DLGAP1: variants seen among roughly 807,000 people sequenced by gnomAD.
The protein encoded by DLGAP1 is DLG associated protein 1, also known as disks large-associated protein 1.
A neutral mutation model predicts 90.8 loss-of-function variants in DLGAP1; 11 were observed. The ratio of observed to expected loss-of-function variants is 0.12; its 90% confidence interval spans 0.08 to 0.20. The LOEUF (loss-of-function observed/expected upper bound fraction) is 0.20. Among genes scored for constraint, DLGAP1 ranks in the 10% least tolerant of loss-of-function variants. The pLI, the probability that DLGAP1 is intolerant of heterozygous loss-of-function variation, is 1.00. For synonymous variants in DLGAP1, 558 were observed against 540.7 expected (o/e 1.03, Z -0.44); for missense variants, 1,050 against 1,333.8 (o/e 0.79, Z 3.31).
intron 1 of DLGAP1, among the ~76,000 whole-genome samples, chr18:4,163,265 A>G (rs372370569): frequency 1.3e-5 from 2 of 152,322 alleles, no homozygotes; most frequent in East Asian, 3.9e-4. Flanking sequence ...CTTATTCACT[A>G]CTTTGGAAGG....
chr18:3,806,406 T>A (rs2066563692), intron 5 of DLGAP1, among the ~76,000 whole-genome samples: 1 of 152,234 alleles, frequency 6.6e-6, no homozygotes, highest in Non-Finnish European at 1.5e-5. Flanking sequence ...TGTGTGTATG[T>A]GTCTGTGTGT....
chr18:4,266,459 G>A (rs2079133515), intron 1 of DLGAP1, among the ~76,000 whole-genome samples: 1 of 152,196 alleles, frequency 6.6e-6, no homozygotes, highest in Non-Finnish European at 1.5e-5. Context: ...TGAAGGCCTC[G>A]CTAGATCAAC....
rs10549959 is a variant in DLGAP1 at position 3,661,571 on chromosome 18, CT to C, written c.1591+67563del. Among the ~76,000 whole-genome samples the C allele has an allele frequency of 2.0e-3, 252 of 125,280 alleles. 1 individual carries two copies. In the East Asian group the frequency reaches 0.023, roughly 12 times the overall value. 82.2% of individuals were successfully genotyped at this position (125,280 alleles called of 152,430 possible). The stretch of plus-strand genomic sequence containing the variant: ...AGGCAGAGGGAAGAAGCTGTAAGGT[CT>C]TTTTTTTTTTTTTTTTTTTTTTGAG... On this transcript the variant is annotated intron_variant, in intron 7 of 12. Coordinates refer to ENST00000315677, the MANE Select transcript of DLGAP1 (RefSeq NM_004746.4).
intron 7 of DLGAP1, chr18:3,594,496 T>G (rs1034234820): frequency 6.6e-6 from 1 of 152,180 alleles, no homozygotes; most frequent in East Asian, 1.9e-4. Context: ...TAAGTCGCTC[T>G]TTGGAAGGGG....
chr18:4,358,389 A>G lies in DLGAP1; in HGVS notation c.-267+96617T>C, dbSNP rs143306953. Among the ~76,000 whole-genome samples, 813 of 152,320 alleles carry G rather than the reference A, an allele frequency of 5.3e-3. 14 individuals carry two copies. Among genetic ancestry groups the G allele is most frequent in the Non-Finnish European group, 5.3e-3 (363 of 68,028 alleles). ...GTCCTGAGGGCAGAATGGTCCTTAA[A>G]GAAGGAAAAGAAAGTTAAAAGGCCT... On this transcript the variant is annotated intron_variant, in intron 1 of 12. Coordinates refer to ENST00000315677, the MANE Select transcript of DLGAP1 (RefSeq NM_004746.4).
chr18:3,627,838 T>TCTTC (rs1371536952), intron 7 of DLGAP1, among the ~76,000 whole-genome samples: 2 of 151,438 alleles, frequency 1.3e-5, no homozygotes, highest in Non-Finnish European at 2.9e-5. Context: ...TTTCTTTCTT[T>TCTTC]CTTCCTTCCT....
rs116114384 is a variant in DLGAP1, at chr18:3,838,313, G to A, written c.958-24040C>T. 4.1e-3 allele frequency among the ~76,000 whole-genome samples: 626 copies of A among 152,278 alleles called. 3 individuals carry two copies. Among genetic ancestry groups the A allele is most frequent in the African/African-American group, 0.014 (597 of 41,536 alleles). The stretch of plus-strand genomic sequence containing the variant: ...TAGTCAAGCTAATCAGATTCTTTCA[G>A]TTGTTAAGAAATATTCTGTTGTATG... On this transcript the variant is annotated intron_variant, in intron 4 of 12. Coordinates refer to ENST00000315677, the MANE Select transcript of DLGAP1 (RefSeq NM_004746.4).
intron 7 of DLGAP1, among the ~76,000 whole-genome samples, chr18:3,702,123 C>T (rs941647353): frequency 6.6e-6 from 1 of 152,158 alleles, no homozygotes; most frequent in South Asian, 2.1e-4. Context: ...ACAATCTCGG[C>T]TCAATGCAAC....
At chr18:3,773,901 C>T (rs564389614) in intron 5 of DLGAP1, among the ~76,000 whole-genome samples, 1 of 152,272 alleles carries the variant, frequency 6.6e-6, no homozygotes, top group African/African-American at 2.4e-5. Flanking sequence ...TAAAAAGTAA[C>T]AGGAAGAATC....
chr18:4,079,902 A>C (rs2075580647), intron 2 of DLGAP1, among the ~76,000 whole-genome samples: 1 of 152,122 alleles, frequency 6.6e-6, no homozygotes, highest in Admixed American at 6.5e-5. Context: ...AGCAGAAAGC[A>C]AGCTCTTCCT....
chr18:4,050,558 C>T (rs753331558), intron 2 of DLGAP1, among the ~76,000 whole-genome samples: 14 of 152,148 alleles, frequency 9.2e-5, no homozygotes, highest in Non-Finnish European at 2.1e-4. Context: ...CTTCTATCCA[C>T]GTTATTAATA....
At chr18:3,570,626 C>CT (rs1290504692) in intron 8 of DLGAP1, among the ~76,000 whole-genome samples, 2 of 151,726 alleles carry the variant, frequency 1.3e-5, no homozygotes, top group African/African-American at 4.8e-5. Context: ...CCTGTAGTTC[C>CT]TTTTTCAAAA....
Position 4,378,750 on chromosome 18 carries a change from C to T in DLGAP1, c.-267+76256G>A, listed in dbSNP as rs2082063774. ...AACCCATTTTATCTGTTTTTATTTCCAACTCTTTCCTAAATAGATCTTCCC... is the reference window on the plus strand; with the variant it reads ...AACCCATTTTATCTGTTTTTATTTCTAACTCTTTCCTAAATAGATCTTCCC... On this transcript the variant is annotated intron_variant, in intron 1 of 12. Coordinates refer to ENST00000315677, the MANE Select transcript of DLGAP1 (RefSeq NM_004746.4). The surrounding 1 kb of genome is among the most constrained non-coding windows in gnomAD (Gnocchi z 4.5). Among the ~76,000 whole-genome samples the T allele has an allele frequency of 6.6e-6, 1 of 152,018 alleles. No individual in the cohort carries two copies.
chr18:3,705,220 G>C (rs1388383703), intron 7 of DLGAP1, among the ~76,000 whole-genome samples: 4 of 151,990 alleles, frequency 2.6e-5, no homozygotes, highest in African/African-American at 9.7e-5. Flanking sequence ...CATCTGCAAG[G>C]CTATCTGAAA....
chr18:3,558,278 T>G (rs2053874345), intron 9 of DLGAP1, among the ~76,000 whole-genome samples: 2 of 152,224 alleles, frequency 1.3e-5, no homozygotes, highest in African/African-American at 2.4e-5. Context: ...AGTCTCACTC[T>G]GTCACCCAGG....
At chr18:4,181,707 T>A (rs373365193) in intron 1 of DLGAP1, among the ~76,000 whole-genome samples, 53 of 152,160 alleles carry the variant, frequency 3.5e-4, no homozygotes, top group African/African-American at 1.2e-3. Flanking sequence ...CTTTTTTTTT[T>A]AAAGTGTCTG....
intron 2 of DLGAP1, among the ~76,000 whole-genome samples, chr18:4,096,395 C>T (rs2075679811): frequency 6.6e-6 from 1 of 152,160 alleles, no homozygotes; most frequent in Non-Finnish European, 1.5e-5. Flanking sequence ...CTCACATAGG[C>T]TTTGTCATGG....
intron 5 of DLGAP1, among the ~76,000 whole-genome samples, chr18:3,795,465 A>G (rs1461810774): frequency 5.3e-5 from 8 of 151,760 alleles, no homozygotes; most frequent in African/African-American, 9.7e-5. Context: ...ACAGGCGCCC[A>G]CCACCACGCC....
intron 1 of DLGAP1, among the ~76,000 whole-genome samples, chr18:4,389,823 C>T (rs1011433052): frequency 9.9e-5 from 15 of 152,108 alleles, no homozygotes; most frequent in African/African-American, 1.2e-4. Context: ...CACACAATGA[C>T]GTCTATTAAG....
Sources: allele counts gnomAD v4.1 joint callset (sites outside exome capture counted in the v4.1 genomes callset), GRCh38; gene constraint gnomAD v4.1.1; non-coding constraint Gnocchi (gnomAD v3.1); transcripts MANE v1.5; gene names NCBI Gene and HGNC (gene_info 2026-07-23, HGNC 2026-07-21).